The following SFTPB variants were observed in gnomAD, a reference collection of about 807,000 sequenced individuals.
SFTPB encodes the protein surfactant protein B, also known as pulmonary surfactant-associated protein B.
A neutral mutation model predicts 51.0 loss-of-function variants in SFTPB; 32 were observed. The ratio of observed to expected loss-of-function variants is 0.63; its 90% CI spans 0.47 to 0.84. The LOEUF is 0.84. SFTPB is among the 40% of genes least tolerant of loss of function. The pLI is 0.00. For missense variants in SFTPB, 431 were observed against 491.2 expected (o/e 0.88, Z 1.16); for synonymous variants, 211 against 208.5 (o/e 1.01, Z -0.10).
At chr2:85,668,225 C>A (rs3024792), upstream of SFTPB, 51 of 1,544,954 alleles carry the variant, frequency 3.3e-5, no homozygotes, top group Non-Finnish European at 3.9e-5. Context: ...TGCATGGCCC[C>A]TTATAGCTGG....
chr2:85,660,070 G>A (rs182890813), intron 10 of SFTPB, among the ~76,000 whole-genome samples: 2 of 151,996 alleles, frequency 1.3e-5, no homozygotes, highest in African/African-American at 2.4e-5. Flanking sequence ...GGAGGGCAGG[G>A]CTCAGCCATA....
chr2:85,668,400 C>G, upstream of SFTPB: 1 of 605,798 alleles, frequency 1.7e-6, no homozygotes, highest in Non-Finnish European at 3.0e-6. Context: ...TGCCCCCTGC[C>G]CAGACTCCCA....
chr2:85,662,623 T>A (rs1677365047), intron 8 of SFTPB, among the ~76,000 whole-genome samples: 2 of 152,014 alleles, frequency 1.3e-5, no homozygotes, highest in Non-Finnish European at 2.9e-5. Flanking sequence ...GGCAGATCAC[T>A]TCAGGTCAGG....
Position 85,665,672 on chromosome 2 carries a change from C to G in SFTPB, c.516G>C (p.Leu172=), listed in dbSNP as rs377624872. 1 of 1,614,064 alleles carries G rather than the reference C, an allele frequency of 6.2e-7. No homozygotes were observed. Among genetic ancestry groups the G allele is most frequent in the Non-Finnish European group, 8.5e-7 (1 of 1,180,032 alleles). ...KPLRDPLPDP[L]LDKLVLPVLP... ...GCACAGGGAGGACGAGCTTGTCCAG[C>G]AGAGGGTCTGGCAGAGGGTCCCGCA... The change falls in exon 5 of 11, where the codon CTG becomes CTC. Residue 172 remains leucine (L), a synonymous_variant. Coordinates refer to ENST00000519937, the MANE Select transcript of SFTPB (RefSeq NM_000542.5).
rs1238028022 is a variant in SFTPB at position 85,659,701 on chromosome 2, A to C, written c.*20-19T>G. 1 of 152,660 alleles carries C rather than the reference A, an allele frequency of 6.6e-6. No homozygotes were observed. Among genetic ancestry groups the C allele is most frequent in the Non-Finnish European group, 1.5e-5 (1 of 68,396 alleles). The allele number at this position is 152,660 out of a possible 1,614,324, so 9.5% of individuals were successfully genotyped here. A position where few individuals can be genotyped will look rare whatever the true frequency, so the allele number is the denominator to read the frequency against. On this transcript the variant is annotated intron_variant, in intron 10 of 10. Coordinates refer to ENST00000519937, the MANE Select transcript of SFTPB (RefSeq NM_000542.5). ...TTTGCAGCTGAGGAGGATGAGGGCCAGAGAGGGACTGTGTGTATGTCCTGC... is the reference window on the plus strand; with the variant it reads ...TTTGCAGCTGAGGAGGATGAGGGCCCGAGAGGGACTGTGTGTATGTCCTGC...
intron 10 of SFTPB, among the ~76,000 whole-genome samples, chr2:85,660,973 GC>G (rs1160942528): frequency 2.6e-5 from 4 of 152,154 alleles, no homozygotes; most frequent in Admixed American, 2.6e-4. Context: ...AAGGTGCTCC[GC>G]TGACTTAGAA....
chr2:85,666,659 G>A lies in SFTPB; in HGVS notation c.351C>T (p.Asp117=), dbSNP rs147417469. Residue 117 remains aspartate, a synonymous_variant, in exon 4 of 11, where the codon GAC becomes GAT. Coordinates refer to ENST00000519937, the MANE Select transcript of SFTPB (RefSeq NM_000542.5). Reference sequence around the variant, plus strand: ...AGTCGATGACCAGGGGGAAGTAGTCGTCAAGCACTTGGTTGCACTGGGGCA... The same window carrying A: ...AGTCGATGACCAGGGGGAAGTAGTCATCAAGCACTTGGTTGCACTGGGGCA... ...LLMPQCNQVL[D]DYFPLVIDYF... is the part of the protein sequence containing the mutation. The A allele has an allele frequency of 8.5e-5, 137 of 1,613,810 alleles. No homozygotes were observed. Among genetic ancestry groups the A allele is most frequent in the East Asian group, 4.5e-4 (20 of 44,874 alleles).
Position 85,662,102 on chromosome 2 carries a change from T to C in SFTPB, c.1010A>G (p.Gln337Arg). The change falls in exon 9 of 11, where the codon CAA (glutamine) becomes CGA (arginine). Residue 337 changes from glutamine (Q) to arginine (R), a missense_variant. Physicochemically the swap from Gln to Arg is conservative, Grantham distance 43. Coordinates refer to ENST00000519937, the MANE Select transcript of SFTPB (RefSeq NM_000542.5). ...CTGGGGCGTGTGCTGCTCCACAAAT[T>C]GCTTGCACTGAGGAAGGAGACACAC... ...GSWLDREKCKQFVEQHTPQLL... is the reference protein window; with the variant it reads ...GSWLDREKCKRFVEQHTPQLL... 6.2e-7 allele frequency: 1 copy of C among 1,600,776 alleles called. No homozygotes were observed. Among genetic ancestry groups the C allele is most frequent in the South Asian group, 1.1e-5 (1 of 87,930 alleles).
At position 85,663,415 on chromosome 2, in the gene SFTPB, GT is replaced by G. The variant is rs1677406664; in HGVS notation, c.932del (p.Asn311ThrfsTer37). 3 of 1,613,994 alleles carry G rather than the reference GT, an allele frequency of 1.9e-6. No individual in the cohort carries two copies. Among genetic ancestry groups the G allele is most frequent in the Non-Finnish European group, 2.5e-6 (3 of 1,180,030 alleles). ...CCTGTGGTATGGCCTGCTCGCTGCT[GT>G]TCCCGGCCTGGGTGGTCACGGACAT... ...LCMSVTTQAG[N>X]SSEQAIPQAM... On this transcript the variant is annotated frameshift_variant, in exon 8 of 11. Coordinates refer to ENST00000519937, the MANE Select transcript of SFTPB (RefSeq NM_000542.5). LOFTEE classifies it high-confidence loss of function.
chr2:85,663,970 G>T (rs950174450), intron 6 of SFTPB, 123 bp from the exon 7 acceptor site: 4 of 934,490 alleles, frequency 4.3e-6, no homozygotes, highest in Non-Finnish European at 6.4e-6. Flanking sequence ...GGGAGGGCAA[G>T]GCTATTCACA....
chr2:85,668,254 G>A, upstream of SFTPB: 5 of 1,426,222 alleles, frequency 3.5e-6, no homozygotes, highest in Non-Finnish European at 3.9e-6. Flanking sequence ...TGGGGGCTCT[G>A]TAGGAGTGGC....
chr2:85,668,320 C>A, upstream of SFTPB: 3 of 795,928 alleles, frequency 3.8e-6, no homozygotes, highest in Non-Finnish European at 4.2e-6. Flanking sequence ...TTGATCCCAC[C>A]TTTTCCCAGC....
chr2:85,665,881 G>GTTTGT, intron 4 of SFTPB, 87 bp from the exon 5 acceptor site: 2 of 1,272,620 alleles, frequency 1.6e-6, no homozygotes, highest in Non-Finnish European at 2.3e-6. Flanking sequence ...AGGGACCACT[G>GTTTGT]GAATGGGAGG....
Position 85,665,761 on chromosome 2 carries a change from AC to A in SFTPB, c.426del (p.Cys143AlafsTer72). The A allele has an allele frequency of 1.2e-6, 2 of 1,614,170 alleles. No homozygotes were observed. Among genetic ancestry groups the A allele is most frequent in the African/African-American group, 2.7e-5 (2 of 75,036 alleles). The stretch of plus-strand genomic sequence containing the variant: ...TCTGGCTCTGGCTGCCGGGATTTGC[AC>A]AGGCCCAGGTGCATACAGATGCCGT... ...DSNGICMHLG[L>X]CKSRQPEPEQ... On this transcript the variant is annotated frameshift_variant, in exon 5 of 11. Transcript: ENST00000519937. LOFTEE classifies it high-confidence loss of function.
At chr2:85,663,234 T>C in intron 8 of SFTPB, 112 bp downstream of exon 8, 1 of 1,410,200 alleles carries the variant, frequency 7.1e-7, no homozygotes, top group Non-Finnish European at 9.9e-7. Context: ...TCTGCCTGTC[T>C]GTGCTCCATT....
intron 4 of SFTPB, among the ~76,000 whole-genome samples, chr2:85,666,141 C>T (rs1022092036): frequency 9.3e-5 from 14 of 151,172 alleles, no homozygotes; most frequent in South Asian, 2.1e-4. Flanking sequence ...CTGAAGGGCA[C>T]GTAGTTTCCT....
rs758155280 is a variant in SFTPB at position 85,659,018 on chromosome 2, C to T, written c.*684G>A. ...TTTCAATCAAAAGCTGGAAGTCCACCTTACAGAAAGACAAAAAGAAACCCC... is the reference window on the plus strand; with the variant it reads ...TTTCAATCAAAAGCTGGAAGTCCACTTTACAGAAAGACAAAAAGAAACCCC... On this transcript the variant is annotated 3_prime_UTR_variant, in exon 11 of 11. Coordinates refer to ENST00000519937, the MANE Select transcript of SFTPB (RefSeq NM_000542.5). 4 of 151,994 alleles carry T rather than the reference C, an allele frequency of 2.6e-5. No homozygotes were observed. Among genetic ancestry groups the T allele is most frequent in the African/African-American group, 4.8e-5 (2 of 41,370 alleles). 9.4% of individuals were successfully genotyped at this position (151,994 alleles called of 1,614,324 possible). A position where few individuals can be genotyped will look rare whatever the true frequency, so the allele number is the denominator to read the frequency against.
chr2:85,660,288 ATTTTTTTTTTTTT>A (rs60518418), intron 10 of SFTPB, among the ~76,000 whole-genome samples: 30 of 80,574 alleles, frequency 3.7e-4, no homozygotes, highest in African/African-American at 1.5e-3. Flanking sequence ...CATCTGGCTA[ATTTTTTTTTTTTT>A]TTTTTTTTTT....
rs564056875 is a variant in SFTPB, at chr2:85,666,718, G to C, written c.292C>G (p.Gln98Glu). ...FQDTMRKFLE[Q>E]ECNVLPLKLL... ...TTCAAGGGGAGGACGTTGCACTCCT[G>C]CTCCAGGAACTTCCTCATCGTGTCC... The change falls in exon 4 of 11, where the codon CAG becomes GAG. Residue 98 changes from glutamine to glutamate, a missense_variant. Gln to Glu is a conservative substitution (Grantham distance 29). Transcript: ENST00000519937. 6.2e-7 allele frequency: 1 copy of C among 1,613,820 alleles called. No homozygotes were observed. The highest frequency in any genetic ancestry group is 1.7e-5 in the Admixed American group (1 of 60,000).
Sources: gnomAD v4.1 joint callset for allele counts (sites outside exome capture counted in the v4.1 genomes callset) on GRCh38, gnomAD v4.1.1 for gene constraint, MANE v1.5 for transcripts, NCBI Gene and HGNC (gene_info 2026-07-23, HGNC 2026-07-21) for gene names.